The following PLXNA4 variants were observed in gnomAD, a reference collection of about 807,000 sequenced individuals.
PLXNA4 encodes plexin-A4.
A neutral mutation model predicts 191.8 loss-of-function variants in PLXNA4; 44 were observed. The observed-to-expected ratio is 0.23, with a 90% confidence interval of 0.18 to 0.29. The LOEUF is 0.29. Ranked by LOEUF, PLXNA4 falls within the 10% of genes least tolerant of loss-of-function variation. The pLI, the probability that PLXNA4 is intolerant of heterozygous loss-of-function variation, is 1.00. For synonymous variants in PLXNA4, 1,082 were observed against 1,009.5 expected (o/e 1.07, Z -1.36); for missense variants, 1,800 against 2,488.8 (o/e 0.72, Z 5.89).
intron 2 of PLXNA4, among the ~76,000 whole-genome samples, chr7:132,620,997 A>G (rs1803249476): frequency 6.6e-6 from 1 of 152,048 alleles, no homozygotes; most frequent in Admixed American, 6.6e-5. Flanking sequence ...CATCTCTCTC[A>G]TGTCTTTTCT....
intron 3 of PLXNA4, among the ~76,000 whole-genome samples, chr7:132,311,193 T>TGTGTGTGTGTGTGTGTGTGCGCGCGC (rs71178034): frequency 3.3e-5 from 3 of 89,828 alleles, no homozygotes; most frequent in African/African-American, 1.2e-4. Flanking sequence ...TGTGTGTGTG[T>TGTGTGTGTGTGTGTGTGTGCGCGCGC]GCGCGTGTGG....
intron 3 of PLXNA4, among the ~76,000 whole-genome samples, chr7:132,395,217 C>A (rs972687913): frequency 6.6e-6 from 1 of 152,188 alleles, no homozygotes; most frequent in Non-Finnish European, 1.5e-5. Context: ...GCCCTCCAGG[C>A]TCCTAGAAAT....
chr7:132,465,448 G>A (rs1169958678), intron 3 of PLXNA4, among the ~76,000 whole-genome samples: 1 of 152,166 alleles, frequency 6.6e-6, no homozygotes, highest in African/African-American at 2.4e-5. Context: ...TTGTTCCTGG[G>A]GCTTATAAGA....
intron 1 of PLXNA4, among the ~76,000 whole-genome samples, chr7:132,542,482 G>A (rs1800127288): frequency 6.6e-6 from 1 of 152,184 alleles, no homozygotes; most frequent in African/African-American, 2.4e-5. Flanking sequence ...AGGTCTGAAT[G>A]TAGATTTCTT....
intron 3 of PLXNA4, among the ~76,000 whole-genome samples, chr7:132,483,247 C>T (rs1463384902): frequency 6.6e-5 from 10 of 152,174 alleles, no homozygotes; most frequent in Non-Finnish European, 1.2e-4. Context: ...CAAAGACCTC[C>T]CCTGGCTCTA....
intron 4 of PLXNA4, among the ~76,000 whole-genome samples, chr7:132,272,160 A>G (rs1220546040): frequency 6.6e-6 from 1 of 152,230 alleles, no homozygotes; most frequent in Non-Finnish European, 1.5e-5. Context: ...TCCAGGAATC[A>G]TCGCAAACAT....
chr7:132,311,201 T>TGTGTGTGTGTGTGTGTGC (rs1327681030), intron 3 of PLXNA4, among the ~76,000 whole-genome samples: 1 of 133,424 alleles, frequency 7.5e-6, no homozygotes, highest in African/African-American at 2.7e-5. Flanking sequence ...TGTGCGCGTG[T>TGTGTGTGTGTGTGTGTGC]GGCCTAAAGG....
chr7:132,469,208 C>T (rs991865036), intron 3 of PLXNA4, among the ~76,000 whole-genome samples: 8 of 150,914 alleles, frequency 5.3e-5, no homozygotes, highest in African/African-American at 2.0e-4. Context: ...CACAATGTCA[C>T]GATGTAATAC....
At chr7:132,229,295 A>G (rs998389062) in intron 5 of PLXNA4, among the ~76,000 whole-genome samples, 3 of 152,194 alleles carry the variant, frequency 2.0e-5, no homozygotes, top group Non-Finnish European at 2.9e-5. Flanking sequence ...TCACAAGTGG[A>G]CCATGTCCAG....
intron 1 of PLXNA4, among the ~76,000 whole-genome samples, chr7:132,534,129 G>A (rs1799736697): frequency 1.3e-5 from 2 of 152,128 alleles, no homozygotes; most frequent in Admixed American, 1.3e-4. Flanking sequence ...GCTTGAGTGT[G>A]TGTAGTAGTA....
chr7:132,558,962 C>G (rs551921648), intron 1 of PLXNA4, among the ~76,000 whole-genome samples: 1 of 152,124 alleles, frequency 6.6e-6, no homozygotes, highest in Non-Finnish European at 1.5e-5. Context: ...AGGCCTTACC[C>G]GCAGTGGACA....
intron 3 of PLXNA4, among the ~76,000 whole-genome samples, chr7:132,431,040 T>C (rs929470762): frequency 5.3e-5 from 8 of 152,280 alleles, no homozygotes; most frequent in East Asian, 1.9e-4. Flanking sequence ...ACTTACTCCC[T>C]GTAAATGATC....
chr7:132,572,993 T>G (rs1396050730), intron 1 of PLXNA4, among the ~76,000 whole-genome samples: 1 of 151,880 alleles, frequency 6.6e-6, no homozygotes, highest in African/African-American at 2.4e-5. Flanking sequence ...AAATTCATGT[T>G]ATATTGATTT....
chr7:132,557,928 G>GGAGA (rs56966838), intron 1 of PLXNA4, among the ~76,000 whole-genome samples: 12 of 149,476 alleles, frequency 8.0e-5, no homozygotes, highest in African/African-American at 1.2e-4. Flanking sequence ...TTTAAGGTAG[G>GGAGA]GAGAGAGAGA....
At chr7:132,230,153 T>C (rs192184254) in intron 5 of PLXNA4, among the ~76,000 whole-genome samples, 19 of 152,308 alleles carry the variant, frequency 1.2e-4, no homozygotes, top group African/African-American at 4.3e-4. Flanking sequence ...ATATGGAGTT[T>C]ACATTGTCTA....
At chr7:132,183,452 C>G (rs900160738) in intron 16 of PLXNA4, among the ~76,000 whole-genome samples, 2 of 152,232 alleles carry the variant, frequency 1.3e-5, no homozygotes, top group African/African-American at 4.8e-5. Flanking sequence ...AATAAAAGCC[C>G]TGGAGCTGGC....
intron 25 of PLXNA4, among the ~76,000 whole-genome samples, chr7:132,151,218 G>A (rs1483604866): frequency 1.3e-5 from 2 of 150,934 alleles, no homozygotes; most frequent in South Asian, 2.1e-4. Flanking sequence ...GGAAGAAGAC[G>A]AAGAGGAAAA....
chr7:132,429,754 T>C (rs529645318), intron 3 of PLXNA4, among the ~76,000 whole-genome samples: 12 of 152,158 alleles, frequency 7.9e-5, no homozygotes, highest in Admixed American at 3.9e-4. Context: ...ACACCCAGAG[T>C]TTAACCATTC....
chr7:132,254,272 T>C (rs1253905095), intron 4 of PLXNA4, among the ~76,000 whole-genome samples: 2 of 152,204 alleles, frequency 1.3e-5, no homozygotes, highest in Non-Finnish European at 2.9e-5. Flanking sequence ...CAATCTGAAA[T>C]ATACTTTGAA....
Sources: gnomAD v4.1 joint callset for allele counts (sites outside exome capture counted in the v4.1 genomes callset) on GRCh38, gnomAD v4.1.1 for gene constraint, MANE v1.5 for transcripts, NCBI Gene and HGNC (gene_info 2026-07-23, HGNC 2026-07-21) for gene names.